Variants in CCSER1 observed in about 807,000 individuals in gnomAD.
CCSER1 encodes coiled-coil serine rich protein 1, also known as serine-rich coiled-coil domain-containing protein 1.
A neutral mutation model predicts 82.0 loss-of-function variants in CCSER1; 41 were observed. That is an observed-to-expected ratio of 0.50 (90% CI 0.39 to 0.65). The LOEUF (loss-of-function observed/expected upper bound fraction) is 0.65. CCSER1 is among the 30% of genes least tolerant of loss of function. The pLI is 0.00. For missense variants in CCSER1, 1,119 were observed against 1,064.2 expected (o/e 1.05, Z -0.72); for synonymous variants, 414 against 383.9 (o/e 1.08, Z -0.92).
At chr4:91,422,930 A>T (rs1206255465) in intron 10 of CCSER1, among the ~76,000 whole-genome samples, 1 of 152,150 alleles carries the variant, frequency 6.6e-6, no homozygotes, top group Admixed American at 6.5e-5. Flanking sequence ...ACTTTTTAAC[A>T]TATAAGATTT....
intron 10 of CCSER1, among the ~76,000 whole-genome samples, chr4:91,423,232 C>T (rs1578416586): frequency 1.3e-5 from 2 of 149,930 alleles, no homozygotes; most frequent in East Asian, 2.0e-4. Context: ...TCAAGACCAG[C>T]GTGGCCAACA....
At chr4:91,248,847 A>T (rs1258946843) in intron 10 of CCSER1, among the ~76,000 whole-genome samples, 4 of 152,178 alleles carry the variant, frequency 2.6e-5, no homozygotes, top group African/African-American at 9.7e-5. Flanking sequence ...TGGAACTGGT[A>T]TGCATGGGGA....
intron 9 of CCSER1, among the ~76,000 whole-genome samples, chr4:91,044,529 C>T (rs1742275080): frequency 6.6e-6 from 1 of 152,188 alleles, no homozygotes; most frequent in Non-Finnish European, 1.5e-5. Context: ...TTCATCCAGC[C>T]TCATTTTGTG....
chr4:91,162,357 T>A (rs2148979985), intron 10 of CCSER1, among the ~76,000 whole-genome samples: 1 of 152,320 alleles, frequency 6.6e-6, no homozygotes, highest in Non-Finnish European at 1.5e-5. Flanking sequence ...GATTTTTAGA[T>A]TAATGTTCAT....
intron 3 of CCSER1, among the ~76,000 whole-genome samples, chr4:90,389,098 T>C (rs1252666289): frequency 3.3e-5 from 5 of 152,124 alleles, no homozygotes; most frequent in Non-Finnish European, 1.5e-5. Flanking sequence ...AACAAGAAGG[T>C]CTTAATTTTG....
At chr4:91,373,194 G>A (rs1316172563) in intron 10 of CCSER1, among the ~76,000 whole-genome samples, 3 of 150,172 alleles carry the variant, frequency 2.0e-5, no homozygotes, top group Admixed American at 6.6e-5. Context: ...CATTTCTCCC[G>A]GTGCCAACAA....
intron 10 of CCSER1, among the ~76,000 whole-genome samples, chr4:91,108,730 G>A (rs961583343): frequency 3.3e-5 from 5 of 152,066 alleles, no homozygotes; most frequent in African/African-American, 7.2e-5. Context: ...TCCAATGGTG[G>A]CCTATCAAAA....
intron 7 of CCSER1, chr4:90,780,402 A>G: frequency 6.3e-7 from 1 of 1,590,960 alleles, no homozygotes; most frequent in Non-Finnish European, 8.6e-7. Context: ...CTGAGTTGGT[A>G]GAATATAAGG....
At chr4:90,970,720 G>T (rs1375168864) in intron 9 of CCSER1, among the ~76,000 whole-genome samples, 1 of 151,726 alleles carries the variant, frequency 6.6e-6, no homozygotes, top group African/African-American at 2.4e-5. Flanking sequence ...ATTTAACAAG[G>T]CTGAAATCAT....
intron 8 of CCSER1, among the ~76,000 whole-genome samples, chr4:90,873,465 A>ACTAT (rs1766820134): frequency 6.6e-6 from 1 of 152,002 alleles, no homozygotes; most frequent in Non-Finnish European, 1.5e-5. Context: ...GTTCTATTTT[A>ACTAT]CTATCTTGTT....
At position 91,318,955 on chromosome 4, in the gene CCSER1, G is replaced by A. The variant is rs138191528; in HGVS notation, c.2217+232961G>A. On this transcript the variant is annotated intron_variant, in intron 10 of 10. Transcript: ENST00000509176. ...AGGAAAAAAAATGAGGTTCTGTCAC[G>A]CATGGTCTTGACCAGAGGGAGTATG... 42 of 154,734 alleles carry A rather than the reference G, an allele frequency of 2.7e-4. 1 individual carries two copies. Among genetic ancestry groups the A allele is most frequent in the African/African-American group, 8.9e-4 (37 of 41,588 alleles). The allele number at this position is 154,734 out of a possible 1,614,324, so 9.6% of individuals were successfully genotyped here. A position where few individuals can be genotyped will look rare whatever the true frequency, so the allele number is the denominator to read the frequency against.
intron 10 of CCSER1, among the ~76,000 whole-genome samples, chr4:91,393,479 T>G (rs993393279): frequency 6.6e-6 from 1 of 152,070 alleles, no homozygotes; most frequent in Non-Finnish European, 1.5e-5. Flanking sequence ...TTTTTTGTCG[T>G]ATTATATTTT....
At position 90,148,854 on chromosome 4, in the gene CCSER1, A is replaced by G. The variant is rs143387767; in HGVS notation, c.-42+21023A>G. 1.7e-3 allele frequency among the ~76,000 whole-genome samples: 254 copies of G among 152,268 alleles called. 2 individuals are homozygous for G. The Middle Eastern group carries it at 0.024, about 14-fold the overall frequency. On this transcript the variant is annotated intron_variant, in intron 1 of 10. Coordinates refer to ENST00000509176, the MANE Select transcript of CCSER1 (RefSeq NM_001145065.2). ...GTAACTCAAGCATACCTATACGTCT[A>G]CTTTCCTCCTAGAAGGCATAGGCAT...
intron 10 of CCSER1, among the ~76,000 whole-genome samples, chr4:91,335,795 C>T (rs1747280615): frequency 6.6e-6 from 1 of 150,618 alleles, no homozygotes; most frequent in South Asian, 2.1e-4. Flanking sequence ...AAAGACAAAT[C>T]ATGTTGACTA....
chr4:90,981,121 C>G (rs1228417972), intron 9 of CCSER1, among the ~76,000 whole-genome samples: 3 of 151,778 alleles, frequency 2.0e-5, no homozygotes, highest in Non-Finnish European at 4.4e-5. Context: ...CTTGGGCAGA[C>G]CCTAAGCTGT....
intron 5 of CCSER1, among the ~76,000 whole-genome samples, chr4:90,599,044 C>A (rs1674307771): frequency 6.6e-6 from 1 of 152,118 alleles, no homozygotes; most frequent in African/African-American, 2.4e-5. Context: ...GGGTTCAGGG[C>A]ACAATGTGGG....
intron 4 of CCSER1, among the ~76,000 whole-genome samples, chr4:90,462,077 G>A (rs1762996326): frequency 6.8e-6 from 1 of 147,580 alleles, no homozygotes; most frequent in African/African-American, 2.7e-5. Flanking sequence ...TTCAATTCTG[G>A]ATTAATATAA....
intron 7 of CCSER1, among the ~76,000 whole-genome samples, chr4:90,776,657 T>C (rs1225384864): frequency 6.6e-6 from 1 of 152,198 alleles, no homozygotes; most frequent in African/African-American, 2.4e-5. Flanking sequence ...TACTCCTAAA[T>C]TATTTACATG....
chr4:90,311,640 A>C (rs1735307008), intron 2 of CCSER1, among the ~76,000 whole-genome samples: 1 of 152,198 alleles, frequency 6.6e-6, no homozygotes, highest in African/African-American at 2.4e-5. Flanking sequence ...TTTGTATGAA[A>C]TATTTAAGCC....
Sources: allele counts gnomAD v4.1 joint callset (sites outside exome capture counted in the v4.1 genomes callset), GRCh38; gene constraint gnomAD v4.1.1; transcripts MANE v1.5; gene names NCBI Gene and HGNC (gene_info 2026-07-23, HGNC 2026-07-21).